LAMB4: variants seen among roughly 807,000 people sequenced by gnomAD.
LAMB4 encodes laminin subunit beta 4.
LAMB4 carries 196 observed loss-of-function variants against 199.2 expected under a neutral mutation model. The ratio of observed to expected loss-of-function variants is 0.98; its 90% CI spans 0.88 to 1.11. The LOEUF (loss-of-function observed/expected upper bound fraction) is 1.11, where lower values mean the gene tolerates loss of function less well. Among genes scored for constraint, LAMB4 ranks in the 50% least tolerant of loss-of-function variants. The pLI is 0.00. For missense variants in LAMB4, 2,080 were observed against 2,171.2 expected (o/e 0.96, Z 0.83); for synonymous variants, 744 against 770.6 (o/e 0.97, Z 0.57).
At chr7:108,122,607 G>A (rs1227072341) in intron 2 of LAMB4, among the ~76,000 whole-genome samples, 4 of 152,208 alleles carry the variant, frequency 2.6e-5, no homozygotes, top group African/African-American at 9.6e-5. Flanking sequence ...CCAAAAGCAG[G>A]CCTGTTTTCG....
At chr7:108,116,743 A>G (rs182321909) in intron 2 of LAMB4, among the ~76,000 whole-genome samples, 132 of 152,328 alleles carry the variant, frequency 8.7e-4, no homozygotes, top group South Asian at 2.3e-3. Context: ...TAAAAACCCT[A>G]TGAATTTTGC....
intron 30 of LAMB4, among the ~76,000 whole-genome samples, chr7:108,036,725 C>CT (rs1464544626): frequency 6.6e-6 from 1 of 151,916 alleles, no homozygotes; most frequent in African/African-American, 2.4e-5. Flanking sequence ...CCTGGCTTTT[C>CT]TTTTTTGGTT....
intron 23 of LAMB4, among the ~76,000 whole-genome samples, chr7:108,061,835 A>C (rs890054378): frequency 6.6e-6 from 1 of 152,142 alleles, no homozygotes; most frequent in Non-Finnish European, 1.5e-5. Flanking sequence ...CCCATTCTCC[A>C]TATAAGAACT....
chr7:108,031,498 C>T (rs2035039470), intron 31 of LAMB4, among the ~76,000 whole-genome samples: 1 of 151,906 alleles, frequency 6.6e-6, no homozygotes, highest in South Asian at 2.1e-4. Context: ...CCCATTATAT[C>T]TTCTCTCTCT....
intron 5 of LAMB4, among the ~76,000 whole-genome samples, chr7:108,108,103 G>A (rs967193945): frequency 3.3e-5 from 5 of 152,110 alleles, no homozygotes; most frequent in Admixed American, 3.3e-4. Flanking sequence ...ACCATGCCCA[G>A]ATAATTTTTT....
At chr7:108,063,067 G>T in intron 22 of LAMB4, 73 bp from the exon 23 acceptor site, 1 of 899,478 alleles carries the variant, frequency 1.1e-6, no homozygotes, top group Non-Finnish European at 1.6e-6. Flanking sequence ...TACAAACAGC[G>T]TTTTAGACCT....
chr7:108,034,693 C>T (rs1252932285), intron 30 of LAMB4, among the ~76,000 whole-genome samples: 1 of 152,166 alleles, frequency 6.6e-6, no homozygotes, highest in Non-Finnish European at 1.5e-5. Context: ...GTAAGCTACA[C>T]TTTCTCAATC....
At chr7:108,102,805 C>T (rs2037860396) in intron 10 of LAMB4, among the ~76,000 whole-genome samples, 2 of 152,190 alleles carry the variant, frequency 1.3e-5, no homozygotes, top group African/African-American at 4.8e-5. Context: ...AAGGCGTCTG[C>T]CTCTCCTGGT....
intron 4 of LAMB4, among the ~76,000 whole-genome samples, chr7:108,111,146 C>T (rs1035243748): frequency 6.6e-6 from 1 of 152,108 alleles, no homozygotes; most frequent in Non-Finnish European, 1.5e-5. Flanking sequence ...TAGGAAAGTC[C>T]GGCCTGGATG....
intron 33 of LAMB4, 75 bp downstream of exon 33, chr7:108,028,968 G>A (rs1021701717): frequency 7.4e-7 from 1 of 1,350,732 alleles, no homozygotes; most frequent in Admixed American, 2.2e-5. Context: ...GCTGACATTG[G>A]TATAAATTCT....
intron 10 of LAMB4, 92 bp downstream of exon 10, chr7:108,102,952 C>T (rs577795695): frequency 1.1e-4 from 123 of 1,122,220 alleles, no homozygotes; most frequent in Non-Finnish European, 1.4e-4. Flanking sequence ...TTGGAGATGC[C>T]GTTAAGCAGA....
chr7:108,112,319 T>C lies in LAMB4; in HGVS notation c.193-373A>G, dbSNP rs948240888. ...ATTGGAACTAGTTTTGCTTAGGATT[T>C]TTTTTTTTTTTTGAGACAGAGTCTC... is the stretch of plus-strand genomic sequence containing the variant. On this transcript the variant is annotated intron_variant, in intron 3 of 33. Coordinates refer to ENST00000388781, the MANE Select transcript of LAMB4 (RefSeq NM_007356.3). 7.1e-5 allele frequency among the ~76,000 whole-genome samples: 4 copies of C among 56,292 alleles called. No individual in the cohort carries two copies. The Admixed American group carries it at 7.6e-4, about 11-fold the overall frequency. 36.9% of individuals were successfully genotyped at this position (56,292 alleles called of 152,430 possible).
chr7:108,059,851 T>G (rs1200907623), intron 23 of LAMB4, among the ~76,000 whole-genome samples: 1 of 152,238 alleles, frequency 6.6e-6, no homozygotes, highest in Non-Finnish European at 1.5e-5. Context: ...TAACATTTCA[T>G]CTCCTTGTTT....
Position 108,030,990 on chromosome 7 carries a change from T to C in LAMB4, c.4819-11A>G. 6.2e-7 allele frequency: 1 copy of C among 1,609,096 alleles called. No homozygotes were observed. The highest frequency in any genetic ancestry group is 8.5e-7 in the Non-Finnish European group (1 of 1,177,356). ...GGTTTGATTTTCAGCCTGTTGTTGA[T>C]TTAAAGACCAAAAAGGGAAAATCTC... is the stretch of plus-strand genomic sequence containing the variant. On this transcript the variant is annotated splice_polypyrimidine_tract_variant and intron_variant, in intron 31 of 33. Coordinates refer to ENST00000388781, the MANE Select transcript of LAMB4 (RefSeq NM_007356.3).
At chr7:108,094,439 C>T (rs1239842113) in intron 12 of LAMB4, among the ~76,000 whole-genome samples, 1 of 152,130 alleles carries the variant, frequency 6.6e-6, no homozygotes, top group Non-Finnish European at 1.5e-5. Flanking sequence ...CCCCCTCTGC[C>T]CCATCCTGTT....
Position 108,025,435 on chromosome 7 carries a change from T to TCTTTCTTTC in LAMB4, c.5147-1258_5147-1257insGAAAGAAAG, listed in dbSNP as rs1563024848. 2.3e-3 allele frequency among the ~76,000 whole-genome samples: 251 copies of TCTTTCTTTC among 111,174 alleles called. 6 individuals carry two copies. The highest frequency in any genetic ancestry group is 8.0e-3 in the African/African-American group (88 of 11,048). 72.9% of individuals were successfully genotyped at this position (111,174 alleles called of 152,430 possible). A position where few individuals can be genotyped will look rare whatever the true frequency, so the allele number is the denominator to read the frequency against. On this transcript the variant is annotated intron_variant, in intron 33 of 33. Coordinates refer to ENST00000388781, the MANE Select transcript of LAMB4 (RefSeq NM_007356.3). Reference sequence around the variant, plus strand: ...TTTCTTTCTTCTTTCTTTCTTTCTTTTTTTTTTTTTGAGACAGAGTTTTGC... The same window carrying TCTTTCTTTC: ...TTTCTTTCTTCTTTCTTTCTTTCTTTCTTTCTTTCTTTTTTTTTTGAGACAGAGTTTTGC...
intron 14 of LAMB4, among the ~76,000 whole-genome samples, chr7:108,084,059 C>T (rs2150589075): frequency 6.6e-6 from 1 of 152,330 alleles, no homozygotes; most frequent in Non-Finnish European, 1.5e-5. Flanking sequence ...TGCTCCCATA[C>T]ATGTGGTCTG....
At chr7:108,025,648 G>A (rs2034813767) in intron 33 of LAMB4, among the ~76,000 whole-genome samples, 1 of 151,996 alleles carries the variant, frequency 6.6e-6, no homozygotes, top group Non-Finnish European at 1.5e-5. Context: ...GGCTGGTCTT[G>A]AACTCCCAAC....
At chr7:108,112,719 G>C (rs2038275357) in intron 3 of LAMB4, among the ~76,000 whole-genome samples, 1 of 152,222 alleles carries the variant, frequency 6.6e-6, no homozygotes, top group Admixed American at 6.5e-5. Flanking sequence ...CCAAAGCACT[G>C]TCAGTGGCCT....
Sources: allele counts gnomAD v4.1 joint callset (sites outside exome capture counted in the v4.1 genomes callset), GRCh38; gene constraint gnomAD v4.1.1; transcripts MANE v1.5; gene names NCBI Gene and HGNC (gene_info 2026-07-23, HGNC 2026-07-21).